Variants in BCL11A observed in about 807,000 individuals in gnomAD.
BCL11A encodes B cell CLL/lymphoma 11A.
Under a neutral mutation model 55.9 loss-of-function variants are expected in BCL11A, and 2 were observed. The observed-to-expected ratio is 0.04, with a 90% confidence interval of 0.01 to 0.11. The LOEUF (loss-of-function observed/expected upper bound fraction) is 0.11. Among genes scored for constraint, BCL11A ranks in the 10% least tolerant of loss-of-function variants. BCL11A has a pLI of 1.00. For missense variants in BCL11A, 817 were observed against 1,137.1 expected, an observed-to-expected ratio of 0.72 and a Z score of 4.05; for synonymous variants, 465 against 473.4, an observed-to-expected ratio of 0.98 and a Z score of 0.23.
chr2:60,552,094 T>G (rs1468626670), intron 1 of BCL11A, among the ~76,000 whole-genome samples: 10 of 149,456 alleles, frequency 6.7e-5, no homozygotes, highest in Admixed American at 4.0e-4. Context: ...GGGAAGAGGG[T>G]GATTGTAAAT....
chr2:60,516,733 C>G (rs1197754011), intron 2 of BCL11A, among the ~76,000 whole-genome samples: 1 of 152,192 alleles, frequency 6.6e-6, no homozygotes, highest in Non-Finnish European at 1.5e-5. Flanking sequence ...GGACACCAAG[C>G]TGAGCATGAG....
At chr2:60,503,511 T>C (rs1337216746) in intron 2 of BCL11A, among the ~76,000 whole-genome samples, 1 of 152,198 alleles carries the variant, frequency 6.6e-6, no homozygotes, top group African/African-American at 2.4e-5. Flanking sequence ...CCCTCCCTCC[T>C]ATCCATTAGA....
At chr2:60,534,995 A>G (rs1273677898) in intron 2 of BCL11A, 2 of 152,220 alleles carry the variant, frequency 1.3e-5, no homozygotes, top group African/African-American at 4.8e-5. Flanking sequence ...AACAATTTTC[A>G]CCTTTTTTTT....
intron 2 of BCL11A, chr2:60,499,563 A>T (rs1464485015): frequency 6.6e-6 from 1 of 152,252 alleles, no homozygotes; most frequent in Non-Finnish European, 1.5e-5. Flanking sequence ...AGCTCCTTCA[A>T]CGTCCCACTT....
chr2:60,466,577 T>C (rs1198404069), intron 3 of BCL11A, among the ~76,000 whole-genome samples: 1 of 152,188 alleles, frequency 6.6e-6, no homozygotes, highest in African/African-American at 2.4e-5. Flanking sequence ...AATAACTCTT[T>C]GTTACCTAGG....
intron 2 of BCL11A, among the ~76,000 whole-genome samples, chr2:60,494,103 C>G (rs1280873888): frequency 2.0e-5 from 3 of 152,158 alleles, no homozygotes; most frequent in Admixed American, 6.5e-5. Context: ...TGGCAATAAA[C>G]AGAGAGAAAG....
In BCL11A at chr2:60,553,531, G is replaced by GA. The variant is rs1670512039; in HGVS notation, c.-262dup. 7.1e-6 allele frequency: 2 copies of GA among 281,016 alleles called. No homozygotes were observed. The highest frequency in any genetic ancestry group is 6.7e-5 in the East Asian group (1 of 14,996). The allele number at this position is 281,016 out of a possible 1,614,324, so 17.4% of individuals were successfully genotyped here. A position where few individuals can be genotyped will look rare whatever the true frequency, so the allele number is the denominator to read the frequency against. On this transcript the variant is annotated 5_prime_UTR_variant, in exon 1 of 4. Transcript: ENST00000642384. Reference sequence around the variant, plus strand: ...AAAAAAGAGGGAGAGAGAGAGAAGAGAGATAGAGGGAGAGAGAGAGAGAGA... The same window carrying GA: ...AAAAAAGAGGGAGAGAGAGAGAAGAGAAGATAGAGGGAGAGAGAGAGAGAGA...
At chr2:60,503,416 G>A (rs986591043) in intron 2 of BCL11A, among the ~76,000 whole-genome samples, 1 of 152,210 alleles carries the variant, frequency 6.6e-6, no homozygotes, top group Non-Finnish European at 1.5e-5. Context: ...CATGTCCCTG[G>A]AAGACAGTAG....
intron 2 of BCL11A, among the ~76,000 whole-genome samples, chr2:60,541,404 C>T (rs1201678406): frequency 6.6e-6 from 1 of 152,128 alleles, no homozygotes; most frequent in Non-Finnish European, 1.5e-5. Context: ...ATTAAGCTTT[C>T]AAAAGTCCTG....
At chr2:60,511,083 G>A (rs1055658880) in intron 2 of BCL11A, among the ~76,000 whole-genome samples, 5 of 152,174 alleles carry the variant, frequency 3.3e-5, no homozygotes, top group African/African-American at 7.2e-5. Flanking sequence ...ACACTGAGAT[G>A]CCCATACTCA....
intron 2 of BCL11A, among the ~76,000 whole-genome samples, chr2:60,473,288 C>A (rs1368091247): frequency 1.3e-5 from 2 of 149,930 alleles, no homozygotes; most frequent in Admixed American, 1.3e-4. Flanking sequence ...GTAGAGCTGT[C>A]CCACGTGGAA....
intron 3 of BCL11A, among the ~76,000 whole-genome samples, chr2:60,466,649 C>G (rs1676634990): frequency 6.6e-6 from 1 of 152,202 alleles, no homozygotes; most frequent in Non-Finnish European, 1.5e-5. Context: ...GGTGCATGCC[C>G]TGCTCTTCAG....
At chr2:60,551,359 C>A (rs933579548) in intron 1 of BCL11A, among the ~76,000 whole-genome samples, 1 of 152,196 alleles carries the variant, frequency 6.6e-6, no homozygotes, top group Non-Finnish European at 1.5e-5. Context: ...GTGAAGTGCT[C>A]GGGGTCCCAG....
At chr2:60,503,736 G>A (rs1679420191) in intron 2 of BCL11A, among the ~76,000 whole-genome samples, 1 of 152,074 alleles carries the variant, frequency 6.6e-6, no homozygotes, top group Non-Finnish European at 1.5e-5. Context: ...ATTTTGTGAG[G>A]ACTAATTTAA....
exon 5 of BCL11A, chr2:60,451,818 C>T (rs543583131): frequency 1.9e-4 from 44 of 229,884 alleles, no homozygotes; most frequent in African/African-American, 3.5e-4. Flanking sequence ...AAACAGGATT[C>T]GGCGTGCCAT....
chr2:60,523,727 C>T (rs1023669242), intron 2 of BCL11A, among the ~76,000 whole-genome samples: 6 of 151,768 alleles, frequency 4.0e-5, no homozygotes, highest in Admixed American at 6.6e-5. Flanking sequence ...CAAAATCATT[C>T]ATTGCCAGGC....
At chr2:60,472,239 A>G (rs1413165634) in intron 2 of BCL11A, among the ~76,000 whole-genome samples, 1 of 152,224 alleles carries the variant, frequency 6.6e-6, no homozygotes, top group African/African-American at 2.4e-5. Context: ...CTTGTGCCAG[A>G]CAGATTGTGT....
chr2:60,471,412 A>T (rs1465447954), intron 2 of BCL11A, among the ~76,000 whole-genome samples: 1 of 152,246 alleles, frequency 6.6e-6, no homozygotes, highest in African/African-American at 2.4e-5. Flanking sequence ...TTCTTCCACT[A>T]AACACATCCA....
At chr2:60,479,288 G>A (rs1404977904) in intron 2 of BCL11A, among the ~76,000 whole-genome samples, 4 of 152,212 alleles carry the variant, frequency 2.6e-5, no homozygotes, top group Admixed American at 6.5e-5. Flanking sequence ...ATGGACACCT[G>A]GCCTCTGCGG....
Sources: allele counts gnomAD v4.1 joint callset (sites outside exome capture counted in the v4.1 genomes callset), GRCh38; gene constraint gnomAD v4.1.1; transcripts MANE v1.5; gene names NCBI Gene and HGNC (gene_info 2026-07-23, HGNC 2026-07-21).